STK39: variants seen among roughly 807,000 people sequenced by gnomAD.
STK39 encodes the protein STE20/SPS1-related proline-alanine-rich protein kinase.
In STK39, 20 loss-of-function variants were observed where a neutral mutation model predicts 77.8. The observed-to-expected ratio is 0.26, with a 90% CI of 0.18 to 0.37. The LOEUF (loss-of-function observed/expected upper bound fraction) is 0.37, where lower values mean the gene tolerates loss of function less well. Ranked by LOEUF, STK39 falls within the 10% of genes least tolerant of loss-of-function variation. The pLI is 1.00. For missense variants in STK39, 479 were observed against 656.5 expected, an observed-to-expected ratio of 0.73 and a Z score of 2.95; for synonymous variants, 246 against 234.1, an observed-to-expected ratio of 1.05 and a Z score of -0.47.
chr2:168,139,949 A>G (rs1342909668), intron 7 of STK39, among the ~76,000 whole-genome samples: 1 of 152,190 alleles, frequency 6.6e-6, no homozygotes, highest in East Asian at 1.9e-4. Context: ...TGACATCACT[A>G]TAATCTATTT....
intron 2 of STK39, among the ~76,000 whole-genome samples, chr2:168,178,163 A>G (rs1688998982): frequency 6.6e-6 from 1 of 152,228 alleles, no homozygotes; most frequent in East Asian, 1.9e-4. Context: ...CATTTACACC[A>G]TGATGGGCTT....
chr2:168,042,577 C>CTT (rs540413448), intron 14 of STK39, among the ~76,000 whole-genome samples: 6 of 133,012 alleles, frequency 4.5e-5, no homozygotes, highest in African/African-American at 1.1e-4. Flanking sequence ...TTCCTTCCTT[C>CTT]TTTTTTTTTT....
At chr2:168,113,272 T>C (rs1687168311) in intron 10 of STK39, among the ~76,000 whole-genome samples, 2 of 152,214 alleles carry the variant, frequency 1.3e-5, no homozygotes, top group African/African-American at 2.4e-5. Context: ...TTAATAATGC[T>C]AGTAAAGTCA....
chr2:168,202,526 A>C (rs1225523387), intron 1 of STK39, among the ~76,000 whole-genome samples: 3 of 152,138 alleles, frequency 2.0e-5, no homozygotes, highest in African/African-American at 7.2e-5. Context: ...TCTGACATGA[A>C]AAAGTTTTAC....
At chr2:168,035,145 G>A (rs1394221116) in intron 14 of STK39, among the ~76,000 whole-genome samples, 1 of 152,144 alleles carries the variant, frequency 6.6e-6, no homozygotes, top group Non-Finnish European at 1.5e-5. Flanking sequence ...CTTTTGACTG[G>A]TTATGAATGA....
chr2:168,175,680 G>A (rs1688939843), intron 2 of STK39, among the ~76,000 whole-genome samples: 1 of 152,134 alleles, frequency 6.6e-6, no homozygotes, highest in Non-Finnish European at 1.5e-5. Flanking sequence ...CGTTAAGAAT[G>A]TTTTTGTGCT....
At chr2:168,138,332 C>G in intron 7 of STK39, 111 bp from the exon 8 acceptor site, 5 of 1,379,318 alleles carry the variant, frequency 3.6e-6, no homozygotes, top group Non-Finnish European at 4.8e-6. Context: ...ATACAAAGTG[C>G]TTTCCCATGA....
At chr2:167,974,014 A>G (rs1415707867) in intron 16 of STK39, among the ~76,000 whole-genome samples, 2 of 152,202 alleles carry the variant, frequency 1.3e-5, no homozygotes, top group Admixed American at 1.3e-4. Context: ...AGATTTGTCT[A>G]TAAGGTTTTA....
At position 168,129,620 on chromosome 2, in the gene STK39, A is replaced by G. The variant is rs1687628456; in HGVS notation, c.1024-14T>C. 2 of 1,614,040 alleles carry G rather than the reference A, an allele frequency of 1.2e-6. No homozygotes were observed. Among genetic ancestry groups the G allele is most frequent in the Non-Finnish European group, 1.7e-6 (2 of 1,179,950 alleles). ...GTACTCTCTGTTCTGCAAAACAAAT[A>G]TTCCCAACAGTTTAACATCAAATAT... On this transcript the variant is annotated splice_polypyrimidine_tract_variant and intron_variant, in intron 9 of 17. Transcript: ENST00000355999.
chr2:168,153,046 T>C (rs1444747446), intron 5 of STK39, among the ~76,000 whole-genome samples: 2 of 152,210 alleles, frequency 1.3e-5, no homozygotes, highest in South Asian at 4.1e-4. Flanking sequence ...ATGCACACCA[T>C]TGTTTTACAA....
chr2:168,064,143 T>C (rs1429124211), intron 13 of STK39, among the ~76,000 whole-genome samples: 1 of 152,168 alleles, frequency 6.6e-6, no homozygotes, highest in Non-Finnish European at 1.5e-5. Context: ...GACTTGGCAC[T>C]GCCACTGACC....
At chr2:168,060,947 G>T (rs1685648509) in intron 14 of STK39, among the ~76,000 whole-genome samples, 1 of 152,066 alleles carries the variant, frequency 6.6e-6, no homozygotes. Flanking sequence ...TAAAAGGCAG[G>T]TTAATCAGAT....
At chr2:168,093,699 C>T (rs905595854) in intron 10 of STK39, among the ~76,000 whole-genome samples, 1 of 152,156 alleles carries the variant, frequency 6.6e-6, no homozygotes, top group African/African-American at 2.4e-5. Flanking sequence ...ACTACCAGTC[C>T]ACCAACCTGA....
intron 14 of STK39, among the ~76,000 whole-genome samples, chr2:168,040,313 A>G (rs1685071022): frequency 1.3e-5 from 2 of 152,220 alleles, no homozygotes; most frequent in African/African-American, 4.8e-5. Context: ...AAAAATTACC[A>G]TAGGTTCCAA....
intron 17 of STK39, among the ~76,000 whole-genome samples, chr2:167,959,188 G>A (rs1238628573): frequency 2.0e-5 from 3 of 151,188 alleles, no homozygotes; most frequent in African/African-American, 2.4e-5. Flanking sequence ...GTGTGATCTC[G>A]GCTCACTGCA....
chr2:168,039,624 C>G (rs1475215805), intron 14 of STK39, among the ~76,000 whole-genome samples: 1 of 147,906 alleles, frequency 6.8e-6, no homozygotes, highest in African/African-American at 2.6e-5. Context: ...AAAAAAAAAG[C>G]AGATCAGTGA....
intron 1 of STK39, among the ~76,000 whole-genome samples, chr2:168,196,754 GGTGGTGACATGT>G (rs1271394521): frequency 6.6e-6 from 1 of 152,216 alleles, no homozygotes; most frequent in African/African-American, 2.4e-5. Context: ...GCCTCTCTCA[GGTGGTGACATGT>G]GGGCTGACAA....
At chr2:168,052,440 G>A (rs1685422466) in intron 14 of STK39, among the ~76,000 whole-genome samples, 1 of 152,128 alleles carries the variant, frequency 6.6e-6, no homozygotes, top group African/African-American at 2.4e-5. Context: ...AAATATAGGA[G>A]ATTATGTCAA....
intron 3 of STK39, among the ~76,000 whole-genome samples, chr2:168,166,076 T>C (rs1688687927): frequency 6.6e-6 from 1 of 152,178 alleles, no homozygotes; most frequent in Admixed American, 6.5e-5. Context: ...CAGCACAGCA[T>C]ACAAATTTTT....
Sources: allele counts gnomAD v4.1 joint callset (sites outside exome capture counted in the v4.1 genomes callset), GRCh38; gene constraint gnomAD v4.1.1; transcripts MANE v1.5; gene names NCBI Gene and HGNC (gene_info 2026-07-23, HGNC 2026-07-21).